NALCN: variants seen among roughly 807,000 people sequenced by gnomAD.
NALCN encodes sodium leak channel, non-selective.
NALCN carries 111 observed loss-of-function variants against 225.3 expected under a neutral mutation model. The ratio of observed to expected loss-of-function variants is 0.49; its 90% CI spans 0.42 to 0.58. The LOEUF (loss-of-function observed/expected upper bound fraction) is 0.58, where lower values mean the gene tolerates loss of function less well. NALCN is among the 20% of genes least tolerant of loss of function. NALCN has a pLI of 0.00. For synonymous variants in NALCN, 764 were observed against 769.0 expected (o/e 0.99, Z 0.11); for missense variants, 1,378 against 2,202.4 (o/e 0.63, Z 7.49).
At chr13:101,348,730 T>C (rs1566603167) in intron 6 of NALCN, among the ~76,000 whole-genome samples, 1 of 152,164 alleles carries the variant, frequency 6.6e-6, no homozygotes. Context: ...TATTTTGAAG[T>C]CTTTGGCTTC....
chr13:101,111,844 C>T (rs953443118), intron 18 of NALCN, among the ~76,000 whole-genome samples: 28 of 152,246 alleles, frequency 1.8e-4, no homozygotes, highest in Middle Eastern at 6.8e-3. Context: ...CTCTTTCTTT[C>T]GTAAATTGCC....
At chr13:101,162,976 A>G (rs935778104) in intron 15 of NALCN, among the ~76,000 whole-genome samples, 1 of 152,178 alleles carries the variant, frequency 6.6e-6, no homozygotes, top group African/African-American at 2.4e-5. Context: ...ATCTCAGCTC[A>G]CTGCAACCTC....
intron 7 of NALCN, among the ~76,000 whole-genome samples, chr13:101,319,680 A>C (rs1182517186): frequency 6.6e-6 from 1 of 152,224 alleles, no homozygotes; most frequent in African/African-American, 2.4e-5. Context: ...TAAATCAACA[A>C]GTCATGTATA....
chr13:101,174,865 A>G (rs935077952), intron 15 of NALCN, among the ~76,000 whole-genome samples: 14 of 152,238 alleles, frequency 9.2e-5, no homozygotes, highest in African/African-American at 3.1e-4. Context: ...ATATCTGTGC[A>G]TAATAACCAT....
intron 10 of NALCN, among the ~76,000 whole-genome samples, chr13:101,277,999 T>G (rs2043020485): frequency 6.6e-6 from 1 of 152,212 alleles, no homozygotes; most frequent in South Asian, 2.1e-4. Context: ...TGGGTTTTTA[T>G]GTAAAATACT....
rs537532127 is a variant in NALCN at position 101,061,500 on chromosome 13, G to T, written c.4755+468C>A. 2.0e-5 allele frequency among the ~76,000 whole-genome samples: 3 copies of T among 151,990 alleles called. No homozygotes were observed. The South Asian group carries it at 6.2e-4, about 32-fold the overall frequency. On this transcript the variant is annotated intron_variant, in intron 41 of 43. Transcript: ENST00000251127. ...AGGTTCAAGTGATTCTCATGCCTCA[G>T]CCTCCTGAGTAGCTGGGACTACAGG...
chr13:101,180,959 G>C (rs1242713279), intron 14 of NALCN: 2 of 431,168 alleles, frequency 4.6e-6, no homozygotes, highest in Admixed American at 2.6e-5. Context: ...GGGCGGCCAC[G>C]CAAGTGTGAA....
At chr13:101,372,279 C>T (rs1436173230) in intron 6 of NALCN, among the ~76,000 whole-genome samples, 1 of 152,118 alleles carries the variant, frequency 6.6e-6, no homozygotes. Context: ...TCAGCAATTG[C>T]TAGAACAACC....
intron 3 of NALCN, among the ~76,000 whole-genome samples, chr13:101,383,560 A>G (rs917918683): frequency 2.0e-5 from 3 of 152,220 alleles, no homozygotes; most frequent in African/African-American, 7.2e-5. Context: ...GAATGATGAG[A>G]TAGGTACATG....
intron 13 of NALCN, among the ~76,000 whole-genome samples, chr13:101,224,726 T>A (rs1352611456): frequency 6.6e-6 from 1 of 152,080 alleles, no homozygotes; most frequent in Non-Finnish European, 1.5e-5. Context: ...CCAGGGCCAA[T>A]CGGGCCAACA....
intron 7 of NALCN, among the ~76,000 whole-genome samples, chr13:101,336,066 C>G (rs2045368327): frequency 6.6e-6 from 1 of 152,046 alleles, no homozygotes; most frequent in South Asian, 2.1e-4. Flanking sequence ...TAATAGAATA[C>G]TAATAGAAAA....
intron 7 of NALCN, among the ~76,000 whole-genome samples, chr13:101,303,298 C>T (rs1473742409): frequency 6.6e-6 from 1 of 152,062 alleles, no homozygotes; most frequent in Admixed American, 6.5e-5. Flanking sequence ...TCTACAAAGA[C>T]GTGGTTCTCT....
At chr13:101,413,973 A>T (rs370940312) in intron 1 of NALCN, among the ~76,000 whole-genome samples, 3 of 152,036 alleles carry the variant, frequency 2.0e-5, no homozygotes, top group East Asian at 1.9e-4. Context: ...CAGCCTTGAC[A>T]TCTCTGGGCT....
intron 13 of NALCN, among the ~76,000 whole-genome samples, chr13:101,214,263 G>C (rs2040638579): frequency 6.6e-6 from 1 of 151,428 alleles, no homozygotes. Flanking sequence ...TTTGGACACA[G>C]GGTGGGGAAT....
chr13:101,166,425 C>G (rs180962535), intron 15 of NALCN, among the ~76,000 whole-genome samples: 1 of 151,818 alleles, frequency 6.6e-6, no homozygotes, highest in South Asian at 2.1e-4. Context: ...TTGATAGTGG[C>G]CATTCTAATA....
chr13:101,405,773 A>G (rs1159377960), intron 1 of NALCN, among the ~76,000 whole-genome samples: 1 of 152,160 alleles, frequency 6.6e-6, no homozygotes, highest in Non-Finnish European at 1.5e-5. Context: ...TTGCTGTAAA[A>G]ATGAATGTTA....
chr13:101,061,891 G>A (rs2031969675), intron 41 of NALCN, 77 bp downstream of exon 41: 3 of 1,404,552 alleles, frequency 2.1e-6, no homozygotes, highest in Non-Finnish European at 2.9e-6. Context: ...TGTTCACGAA[G>A]CTCTTTTCTT....
In NALCN at chr13:101,061,914, GGGGCA is replaced by G. The variant is rs112488143; in HGVS notation, c.4755+49_4755+53del. 507 of 1,537,678 alleles carry G rather than the reference GGGGCA, an allele frequency of 3.3e-4. 4 individuals are homozygous for G. In the African/African-American group the frequency reaches 6.0e-3, roughly 18 times the overall value. ...AAGCTCTTTTCTTTCATCCTCCTGCGGGGCAGGGCGGGGCGGGGCGGGGACCCAAC... is the reference window on the plus strand; with the variant it reads ...AAGCTCTTTTCTTTCATCCTCCTGCGGGGCGGGGCGGGGCGGGGACCCAAC... On this transcript the variant is annotated intron_variant, in intron 41 of 43. Transcript: ENST00000251127.
chr13:101,270,510 G>A lies in NALCN; in HGVS notation c.1135-11936C>T, dbSNP rs533306241. Among the ~76,000 whole-genome samples, 4 of 152,268 alleles carry A rather than the reference G, an allele frequency of 2.6e-5. No individual in the cohort carries two copies. In the East Asian group the frequency reaches 7.7e-4, roughly 29 times the overall value. On this transcript the variant is annotated intron_variant, in intron 10 of 43. Coordinates refer to ENST00000251127, the MANE Select transcript of NALCN (RefSeq NM_052867.4). ...CTTTCTAATACACTGCATTTCTAAT[G>A]CAATGCAGGACCTCACTTGTGATAT...
Sources: allele counts gnomAD v4.1 joint callset (sites outside exome capture counted in the v4.1 genomes callset), GRCh38; gene constraint gnomAD v4.1.1; transcripts MANE v1.5; gene names NCBI Gene and HGNC (gene_info 2026-07-23, HGNC 2026-07-21).